Variants in CCDC15 observed in about 807,000 individuals in gnomAD.
The protein encoded by CCDC15 is coiled-coil domain-containing protein 15.
CCDC15 carries 105 observed loss-of-function variants against 114.5 expected under a neutral mutation model. The observed-to-expected ratio is 0.92, with a 90% CI of 0.78 to 1.08. CCDC15 has a LOEUF of 1.08. Among genes scored for constraint, CCDC15 ranks in the 50% least tolerant of loss-of-function variants. The probability of loss-of-function intolerance (pLI) is 0.00; values close to 1 mark genes in which losing one functional copy is unlikely to be tolerated. For missense variants in CCDC15, 1,105 were observed against 1,093.6 expected (o/e 1.01, Z -0.15); for synonymous variants, 334 against 377.8 (o/e 0.88, Z 1.34).
chr11:125,007,502 A>G (rs1253162737), intron 13 of CCDC15, among the ~76,000 whole-genome samples: 3 of 152,156 alleles, frequency 2.0e-5, no homozygotes, highest in Non-Finnish European at 4.4e-5. Flanking sequence ...GGTTGATTCA[A>G]TATCTTGACA....
At chr11:124,975,050 A>G in intron 4 of CCDC15, 46 bp from the exon 5 acceptor site, 1 of 1,283,550 alleles carries the variant, frequency 7.8e-7, no homozygotes, top group Non-Finnish European at 1.1e-6. Context: ...TTTGGAATTA[A>G]AACTTATCCT....
chr11:124,964,427 C>T (rs7128659), intron 4 of CCDC15, among the ~76,000 whole-genome samples: 1,598 of 152,208 alleles, frequency 0.01, 34 homozygotes, highest in African/African-American at 0.037. Context: ...GGAGTTCACT[C>T]ATGATTTGGC....
intron 13 of CCDC15, among the ~76,000 whole-genome samples, chr11:125,011,795 A>G (rs1948594902): frequency 6.6e-6 from 1 of 152,178 alleles, no homozygotes; most frequent in Non-Finnish European, 1.5e-5. Context: ...GTAAAATGAC[A>G]TATATTCTAT....
At chr11:124,993,078 T>G (rs2135494912) in intron 10 of CCDC15, 91 bp from the exon 11 acceptor site, 1 of 762,848 alleles carries the variant, frequency 1.3e-6, no homozygotes, top group Non-Finnish European at 2.3e-6. Context: ...CTAGTGTCAT[T>G]ACTCTGGGAT....
Position 125,003,906 on chromosome 11 carries a change from C to G in CCDC15, c.2254C>G (p.Gln752Glu). Residue 752 changes from glutamine (Q) to glutamate (E), a missense_variant, in exon 12 of 16, where the codon CAA (glutamine) becomes GAA (glutamate). By Grantham distance (29) the Gln-to-Glu change is conservative. Transcript: ENST00000344762. ...RYQSGLSTEF[Q>E]APLAFQSDVD... ...TCAATCAGGATTGAGCACTGAATTC[C>G]AAGCTCCACTGGCATTTCAGTCTGA... 6.4e-7 allele frequency: 1 copy of G among 1,566,460 alleles called. No individual in the cohort carries two copies. The highest frequency in any genetic ancestry group is 1.2e-5 in the South Asian group (1 of 80,750).
At chr11:124,966,634 C>T (rs976541116) in intron 4 of CCDC15, among the ~76,000 whole-genome samples, 2 of 152,138 alleles carry the variant, frequency 1.3e-5, no homozygotes, top group African/African-American at 2.4e-5. Flanking sequence ...GCATTTAGCC[C>T]ATTTACATTT....
intron 13 of CCDC15, among the ~76,000 whole-genome samples, chr11:125,017,103 A>G (rs1444109278): frequency 1.3e-5 from 2 of 152,224 alleles, no homozygotes; most frequent in African/African-American, 4.8e-5. Flanking sequence ...CCACCTTAGC[A>G]GCATTCTAAA....
chr11:125,037,970 G>A (rs1454003895), intron 13 of CCDC15: 1 of 148,230 alleles, frequency 6.7e-6, no homozygotes, highest in Non-Finnish European at 1.5e-5. Flanking sequence ...CCAGGCTGGA[G>A]TGCAGTGGTG....
intron 13 of CCDC15, among the ~76,000 whole-genome samples, chr11:125,024,967 T>TA (rs397775661): frequency 6.8e-6 from 1 of 147,042 alleles, no homozygotes; most frequent in Non-Finnish European, 1.5e-5. Flanking sequence ...GAATTTTTTT[T>TA]ATCAAGAATG....
intron 4 of CCDC15, among the ~76,000 whole-genome samples, chr11:124,969,250 T>C (rs1045128174): frequency 1.3e-5 from 2 of 152,200 alleles, no homozygotes; most frequent in Non-Finnish European, 2.9e-5. Context: ...TGGTATTACC[T>C]ACTTGTTCAA....
intron 2 of CCDC15, among the ~76,000 whole-genome samples, chr11:124,956,298 A>T (rs536056590): frequency 6.6e-6 from 1 of 152,300 alleles, no homozygotes; most frequent in South Asian, 2.1e-4. Flanking sequence ...TATAGCATCG[A>T]AACTTTGTTA....
intron 8 of CCDC15, among the ~76,000 whole-genome samples, chr11:124,989,899 AT>A: frequency 6.6e-6 from 1 of 152,220 alleles, no homozygotes; most frequent in African/African-American, 2.4e-5. Context: ...CTGCTAAAAC[AT>A]TTTGCATATC....
In CCDC15 at chr11:124,987,017, C is replaced by G. The variant is rs963907709; in HGVS notation, c.901-110C>G. 8 of 1,369,116 alleles carry G rather than the reference C, an allele frequency of 5.8e-6. No individual in the cohort carries two copies. The South Asian group carries it at 1.2e-4, about 21-fold the overall frequency. The allele number at this position is 1,369,116 out of a possible 1,614,324, so 84.8% of individuals were successfully genotyped here. ...AAAGATTATAATTTCACATTTTGTTCTAGTAATTTGCTTCACTGCCATATC... is the reference window on the plus strand; with the variant it reads ...AAAGATTATAATTTCACATTTTGTTGTAGTAATTTGCTTCACTGCCATATC... On this transcript the variant is annotated intron_variant, in intron 7 of 15. Transcript: ENST00000344762.
chr11:125,028,101 T>C (rs1948717018), intron 13 of CCDC15, among the ~76,000 whole-genome samples: 3 of 152,228 alleles, frequency 2.0e-5, no homozygotes, highest in Admixed American at 6.5e-5. Context: ...TATGTGCCTG[T>C]ACTATGTATG....
chr11:125,000,495 A>G (rs1000935380), intron 11 of CCDC15, among the ~76,000 whole-genome samples: 1 of 152,092 alleles, frequency 6.6e-6, no homozygotes, highest in Non-Finnish European at 1.5e-5. Context: ...CAGGAGCTAC[A>G]TTTCTCAGAA....
intron 11 of CCDC15, among the ~76,000 whole-genome samples, chr11:124,997,522 C>T (rs1591599704): frequency 6.6e-6 from 1 of 152,186 alleles, no homozygotes; most frequent in Non-Finnish European, 1.5e-5. Flanking sequence ...CTCCCGGCCT[C>T]AAGTGATCCT....
chr11:125,004,660 C>G (rs535275127), intron 12 of CCDC15, among the ~76,000 whole-genome samples: 2 of 152,000 alleles, frequency 1.3e-5, no homozygotes, highest in Non-Finnish European at 2.9e-5. Context: ...GAGTCTGAGG[C>G]TTTAGTATAC....
intron 15 of CCDC15, among the ~76,000 whole-genome samples, chr11:125,040,230 G>T (rs917105527): frequency 1.3e-5 from 2 of 151,640 alleles, no homozygotes; most frequent in Non-Finnish European, 2.9e-5. Context: ...AGATACGGGG[G>T]TTTGCCATGT....
At chr11:124,995,691 C>T (rs769920382) in intron 11 of CCDC15, among the ~76,000 whole-genome samples, 14 of 152,038 alleles carry the variant, frequency 9.2e-5, no homozygotes, top group Non-Finnish European at 1.8e-4. Context: ...TGATAGAGGA[C>T]GCATGGGGCA....
Sources: allele counts gnomAD v4.1 joint callset (sites outside exome capture counted in the v4.1 genomes callset), GRCh38; gene constraint gnomAD v4.1.1; transcripts MANE v1.5; gene names NCBI Gene and HGNC (gene_info 2026-07-23, HGNC 2026-07-21).